ZNF438: variants seen among roughly 807,000 people sequenced by gnomAD.
ZNF438 encodes zinc finger protein 438.
Under a neutral mutation model 38.0 loss-of-function variants are expected in ZNF438, and 25 were observed. The ratio of observed to expected loss-of-function variants is 0.66; its 90% CI spans 0.48 to 0.92. The LOEUF is 0.92. Ranked by LOEUF, ZNF438 falls within the 40% of genes least tolerant of loss-of-function variation. The pLI is 0.00. For synonymous variants in ZNF438, 372 were observed against 364.1 expected (o/e 1.02, Z -0.25); for missense variants, 1,007 against 999.6 (o/e 1.01, Z -0.10).
chr10:30,929,357 T>G (rs1224925071), intron 2 of ZNF438, among the ~76,000 whole-genome samples: 1 of 152,110 alleles, frequency 6.6e-6, no homozygotes, highest in East Asian at 1.9e-4. Context: ...GTCTGGCTGG[T>G]TTCAGGAGTG....
At chr10:30,983,889 TGTCCA>T (rs2052492260) in intron 1 of ZNF438, among the ~76,000 whole-genome samples, 1 of 152,174 alleles carries the variant, frequency 6.6e-6, no homozygotes, top group Admixed American at 6.5e-5. Flanking sequence ...TTCATCCAGT[TGTCCA>T]TAAAGTTAAA....
intron 1 of ZNF438, among the ~76,000 whole-genome samples, chr10:31,008,929 T>C (rs76157670): frequency 0.013 from 1,988 of 152,330 alleles, 16 homozygotes; most frequent in Non-Finnish European, 0.021. Context: ...CTAACACTTG[T>C]TATCTGCTTT....
intron 1 of ZNF438, among the ~76,000 whole-genome samples, chr10:30,970,612 A>T (rs972194182): frequency 1.3e-5 from 2 of 152,196 alleles, no homozygotes; most frequent in African/African-American, 4.8e-5. Context: ...AAATCAGCAT[A>T]TACATAAGCA....
At chr10:30,861,791 G>C (rs1405542641) in intron 4 of ZNF438, among the ~76,000 whole-genome samples, 12 of 152,140 alleles carry the variant, frequency 7.9e-5, no homozygotes, top group Admixed American at 7.2e-4. Context: ...GAAAGATAAA[G>C]TTGTTTATTT....
chr10:30,950,446 T>C (rs1434046317), intron 1 of ZNF438, among the ~76,000 whole-genome samples: 12 of 148,150 alleles, frequency 8.1e-5, no homozygotes, highest in African/African-American at 2.5e-4. Context: ...TTCAAAAAAT[T>C]AATGAATCCA....
chr10:30,845,036 A>C, exon 6 of ZNF438: 1 of 1,614,170 alleles, frequency 6.2e-7, no homozygotes, highest in Non-Finnish European at 8.5e-7. Context: ...ACAGTTTGGA[A>C]GGGTCCTCAC....
At chr10:30,935,174 G>A (rs1475054644) in intron 2 of ZNF438, among the ~76,000 whole-genome samples, 2 of 152,230 alleles carry the variant, frequency 1.3e-5, no homozygotes, top group Admixed American at 6.5e-5. Context: ...TATTACAGAT[G>A]AGGAAACTCA....
intron 3 of ZNF438, among the ~76,000 whole-genome samples, chr10:30,893,019 A>G (rs1402986647): frequency 6.6e-6 from 1 of 152,192 alleles, no homozygotes; most frequent in Non-Finnish European, 1.5e-5. Flanking sequence ...ACACGTGGGA[A>G]GTCTATCTGC....
At chr10:30,953,413 T>A (rs3006575) in intron 1 of ZNF438, among the ~76,000 whole-genome samples, 110,647 of 150,412 alleles carry the variant, frequency 0.74, 41,236 homozygotes, top group African/African-American at 0.84. Flanking sequence ...AAAAAAAATT[T>A]AAAAAATTAA....
chr10:30,863,796 C>G (rs2035974563), intron 4 of ZNF438, among the ~76,000 whole-genome samples: 1 of 152,188 alleles, frequency 6.6e-6, no homozygotes. Context: ...AGGTTCGCCC[C>G]CTTGCTGTCT....
intron 1 of ZNF438, among the ~76,000 whole-genome samples, chr10:30,943,891 C>CAAAT (rs912759311): frequency 7.6e-6 from 1 of 130,946 alleles, no homozygotes; most frequent in Non-Finnish European, 1.7e-5. Context: ...AACAAACAAA[C>CAAAT]AAATTGCGGC....
At chr10:30,930,803 CAAAAAAAAAAAAAAAAAAAAAA>C (rs71527620) in intron 2 of ZNF438, among the ~76,000 whole-genome samples, 1 of 38,434 alleles carries the variant, frequency 2.6e-5, no homozygotes, top group Admixed American at 4.1e-4. Context: ...GAAACTCAGT[CAAAAAAAAAAAAAAAAAAAAAA>C]AAAAAAAAAG....
At chr10:30,929,486 C>T (rs1172158546) in intron 2 of ZNF438, among the ~76,000 whole-genome samples, 4 of 152,158 alleles carry the variant, frequency 2.6e-5, no homozygotes, top group African/African-American at 7.2e-5. Flanking sequence ...CAGATCTTCG[C>T]GGTGATTGTT....
chr10:31,020,618 G>A (rs2056523361), intron 1 of ZNF438, among the ~76,000 whole-genome samples: 1 of 152,034 alleles, frequency 6.6e-6, no homozygotes, highest in Non-Finnish European at 1.5e-5. Context: ...ATGGTTTAAA[G>A]GAGGTTGCAT....
intron 1 of ZNF438, chr10:30,984,376 C>G (rs2052543525): frequency 6.6e-6 from 1 of 152,058 alleles, no homozygotes; most frequent in African/African-American, 2.4e-5. Context: ...TACCTATATC[C>G]CAAGGCTCCT....
rs200295138 is a variant in ZNF438, at chr10:30,849,013, T to C, written c.1392A>G (p.Leu464=). 5 of 1,614,178 alleles carry C rather than the reference T, an allele frequency of 3.1e-6. No homozygotes were observed. The East Asian group carries it at 8.9e-5, about 29-fold the overall frequency. Reference sequence around the variant, plus strand: ...AATTATTTAACAAAACATCCTGTCCTAGGCCCCCAAGCATCTGGGACTGTA... The same window carrying C: ...AATTATTTAACAAAACATCCTGTCCCAGGCCCCCAAGCATCTGGGACTGTA... The change falls in exon 5 of 6, where the codon CTA becomes CTG. Residue 464 remains leucine, a synonymous_variant. Transcript: ENST00000413025.
chr10:30,863,768 G>A (rs146802730), intron 4 of ZNF438, among the ~76,000 whole-genome samples: 2 of 152,208 alleles, frequency 1.3e-5, no homozygotes, highest in Non-Finnish European at 2.9e-5. Context: ...GCATCCACAC[G>A]CACTCCCCTC....
At chr10:31,022,420 C>A (rs777205492) in intron 1 of ZNF438, among the ~76,000 whole-genome samples, 2 of 152,142 alleles carry the variant, frequency 1.3e-5, no homozygotes, top group African/African-American at 4.8e-5. Flanking sequence ...CACCACCATG[C>A]CTGGCCAATT....
chr10:30,887,367 G>T (rs553251423), intron 3 of ZNF438, among the ~76,000 whole-genome samples: 7 of 152,188 alleles, frequency 4.6e-5, no homozygotes, highest in Admixed American at 3.3e-4. Flanking sequence ...CTAAGGGACT[G>T]TAAGTAATAA....
Sources: gnomAD v4.1 joint callset for allele counts (sites outside exome capture counted in the v4.1 genomes callset) on GRCh38, gnomAD v4.1.1 for gene constraint, MANE v1.5 for transcripts, NCBI Gene and HGNC (gene_info 2026-07-23, HGNC 2026-07-21) for gene names.